The following OPA1 variants were observed in gnomAD, a reference collection of about 807,000 sequenced individuals.
OPA1 encodes OPA1 mitochondrial dynamin like GTPase.
Under a neutral mutation model 152.9 loss-of-function variants are expected in OPA1, and 59 were observed. The ratio of observed to expected loss-of-function variants is 0.39; its 90% CI spans 0.31 to 0.48. The LOEUF (loss-of-function observed/expected upper bound fraction) is 0.48, where lower values mean the gene tolerates loss of function less well. OPA1 is among the 20% of genes least tolerant of loss of function. The probability of loss-of-function intolerance (pLI) is 0.96; values close to 1 mark genes in which losing one functional copy is unlikely to be tolerated. For synonymous variants in OPA1, 400 were observed against 389.9 expected (o/e 1.03, Z -0.31); for missense variants, 1,008 against 1,216.8 (o/e 0.83, Z 2.55).
intron 29 of OPA1, chr3:193,691,386 A>G (rs1336620076): frequency 6.6e-6 from 1 of 152,220 alleles, no homozygotes; most frequent in Non-Finnish European, 1.5e-5. Flanking sequence ...ATGAAAACCT[A>G]AAATAAATAA....
intron 21 of OPA1, 83 bp downstream of exon 21, chr3:193,648,954 C>T: frequency 3.9e-6 from 4 of 1,024,202 alleles, no homozygotes; most frequent in Non-Finnish European, 6.1e-6. Flanking sequence ...ATTGATAAAG[C>T]AGTGATTTAT....
chr3:193,662,128 G>A (rs983896011), intron 25 of OPA1, among the ~76,000 whole-genome samples: 2 of 152,118 alleles, frequency 1.3e-5, no homozygotes, highest in African/African-American at 4.8e-5. Flanking sequence ...TTTGAGTGGA[G>A]GTTTGAAAAA....
chr3:193,617,960 A>C lies in OPA1; in HGVS notation c.610+123A>C. The C allele has an allele frequency of 4.1e-6, 3 of 724,562 alleles. No homozygotes were observed. The South Asian group carries it at 4.5e-5, about 11-fold the overall frequency. The allele number at this position is 724,562 out of a possible 1,614,324, so 44.9% of individuals were successfully genotyped here. A position where few individuals can be genotyped will look rare whatever the true frequency, so the allele number is the denominator to read the frequency against. Reference sequence around the variant, plus strand: ...CTTATGCTGAATTTTAAAACCCCAGAACTATATTAGGCAAACTCATTATCC... The same window carrying C: ...CTTATGCTGAATTTTAAAACCCCAGCACTATATTAGGCAAACTCATTATCC... On this transcript the variant is annotated intron_variant, in intron 5 of 30. Transcript: ENST00000361510.
intron 28 of OPA1, among the ~76,000 whole-genome samples, chr3:193,666,904 A>G (rs1716688501): frequency 2.0e-5 from 3 of 152,182 alleles, no homozygotes; most frequent in Admixed American, 2.0e-4. Flanking sequence ...TCTGTTGGGA[A>G]TGGACTCCTA....
chr3:193,616,030 G>T (rs750599356), intron 3 of OPA1, among the ~76,000 whole-genome samples: 4 of 151,976 alleles, frequency 2.6e-5, no homozygotes, highest in Non-Finnish European at 5.9e-5. Context: ...TTAACTTATC[G>T]ATTGAGACAG....
intron 1 of OPA1, chr3:193,603,618 C>T (rs1242546722): frequency 1.3e-5 from 2 of 152,212 alleles, no homozygotes; most frequent in African/African-American, 2.4e-5. Flanking sequence ...AAAAGCATGT[C>T]TACTATCCGT....
intron 4 of OPA1, 27 bp from the exon 5 acceptor site, chr3:193,617,757 A>C: frequency 6.4e-7 from 1 of 1,566,152 alleles, no homozygotes; most frequent in Non-Finnish European, 8.8e-7. Flanking sequence ...TTACATTTCT[A>C]TTTCCCCTTT....
At position 193,658,923 on chromosome 3, in the gene OPA1, A is replaced by T; in HGVS notation, c.2368A>T (p.Ile790Leu). ...ACACAATGCTTTGGAAGACCGATCC[A>T]TATCTGATAAACAGCAATGGGATGC... ...IQHNALEDRS[I>L]SDKQQWDAAI... Residue 790 changes from isoleucine (I) to leucine (L), a missense_variant, in exon 24 of 31, where the codon ATA (isoleucine) becomes TTA (leucine). Physicochemically the swap from Ile to Leu is conservative, Grantham distance 5. This residue lies in a region of OPA1 where 229 missense variants were observed against 269.0 expected (regional missense o/e 0.85). Transcript: ENST00000361510. 1 of 1,613,986 alleles carries T rather than the reference A, an allele frequency of 6.2e-7. No homozygotes were observed. The highest frequency in any genetic ancestry group is 1.7e-4 in the Middle Eastern group (1 of 6,056).
At position 193,645,710 on chromosome 3, in the gene OPA1, A is replaced by G. The variant is rs1734476700; in HGVS notation, c.1682-18A>G. 6.2e-7 allele frequency: 1 copy of G among 1,612,420 alleles called. No homozygotes were observed. Among genetic ancestry groups the G allele is most frequent in the Non-Finnish European group, 8.5e-7 (1 of 1,178,626 alleles). The stretch of plus-strand genomic sequence containing the variant: ...GAGTAATTTTCTTGATGAAAATTTG[A>G]CCATCATTCTTCCCCAGGGAACAGC... On this transcript the variant is annotated intron_variant, in intron 17 of 30. Transcript: ENST00000361510.
At chr3:193,678,519 T>A (rs530730749) in intron 29 of OPA1, among the ~76,000 whole-genome samples, 1 of 152,224 alleles carries the variant, frequency 6.6e-6, no homozygotes, top group South Asian at 2.1e-4. Context: ...TGGCTTCTTA[T>A]ACCCACAGCT....
In OPA1 at chr3:193,645,898, T is replaced by G. The variant is rs974192243; in HGVS notation, c.1754+98T>G. Reference sequence around the variant, plus strand: ...AACATCAGGTTTTATAACTATTAGTTTAACATCGGATTTCTAGAATTTTTC... The same window carrying G: ...AACATCAGGTTTTATAACTATTAGTGTAACATCGGATTTCTAGAATTTTTC... On this transcript the variant is annotated intron_variant, in intron 18 of 30. Coordinates refer to ENST00000361510, the MANE Select transcript of OPA1 (RefSeq NM_130837.3). 5 of 972,218 alleles carry G rather than the reference T, an allele frequency of 5.1e-6. No homozygotes were observed. In the African/African-American group the frequency reaches 8.3e-5, roughly 16 times the overall value. 60.2% of individuals were successfully genotyped at this position (972,218 alleles called of 1,614,324 possible).
chr3:193,621,856 T>C lies in OPA1; in HGVS notation c.678+2920T>C, dbSNP rs890735499. 4.6e-5 allele frequency among the ~76,000 whole-genome samples: 7 copies of C among 152,318 alleles called. No homozygotes were observed. The South Asian group carries it at 8.3e-4, about 18-fold the overall frequency. On this transcript the variant is annotated intron_variant, in intron 6 of 30. Transcript: ENST00000361510. ...TCGAAGTGCTGCCTACTTTAGAGAATTGGACTAATTTAATTTGGGAGTCAG... is the reference window on the plus strand; with the variant it reads ...TCGAAGTGCTGCCTACTTTAGAGAACTGGACTAATTTAATTTGGGAGTCAG...
intron 24 of OPA1, among the ~76,000 whole-genome samples, 196 bp from the exon 25 acceptor site, chr3:193,659,286 T>G (rs1463636372): frequency 6.6e-6 from 1 of 152,192 alleles, no homozygotes; most frequent in Non-Finnish European, 1.5e-5. Context: ...CAATTATACT[T>G]TTAGGTATCT....
chr3:193,617,109 G>C lies in OPA1; in HGVS notation c.449-69G>C, dbSNP rs928235578. 6.5e-6 allele frequency: 6 copies of C among 922,224 alleles called. No individual in the cohort carries two copies. The African/African-American group carries it at 9.9e-5, about 15-fold the overall frequency. 57.1% of individuals were successfully genotyped at this position (922,224 alleles called of 1,614,324 possible). ...GAGGATTAAACAAGTTAATACTTTA[G>C]CCCTTTATAAGAATAGTATCTGACA... On this transcript the variant is annotated intron_variant, in intron 3 of 30. Coordinates refer to ENST00000361510, the MANE Select transcript of OPA1 (RefSeq NM_130837.3).
chr3:193,624,707 G>T (rs1344087402), intron 6 of OPA1, among the ~76,000 whole-genome samples: 1 of 152,002 alleles, frequency 6.6e-6, no homozygotes, highest in Admixed American at 6.6e-5. Flanking sequence ...TCATGTGGAA[G>T]AAATCAACTA....
intron 29 of OPA1, among the ~76,000 whole-genome samples, chr3:193,672,885 C>T (rs1382854604): frequency 2.9e-5 from 4 of 137,010 alleles, no homozygotes; most frequent in Admixed American, 7.2e-5. Flanking sequence ...AAAAAAAAAA[C>T]GAAAAACAAA....
intron 9 of OPA1, 84 bp from the exon 10 acceptor site, chr3:193,637,111 A>T (rs1192759883): frequency 1.4e-6 from 1 of 697,598 alleles, no homozygotes; most frequent in Non-Finnish European, 2.4e-6. Context: ...ATTTGAATTT[A>T]TCACTTTTTT....
chr3:193,639,630 G>C (rs1484696897), intron 11 of OPA1, among the ~76,000 whole-genome samples: 1 of 152,212 alleles, frequency 6.6e-6, no homozygotes, highest in African/African-American at 2.4e-5. Flanking sequence ...GGGAGGAACA[G>C]ATCAATAAGG....
intron 1 of OPA1, among the ~76,000 whole-genome samples, chr3:193,598,295 T>G (rs1725920811): frequency 6.6e-6 from 1 of 152,144 alleles, no homozygotes; most frequent in Non-Finnish European, 1.5e-5. Flanking sequence ...CATGTGTCAT[T>G]CTAATAGCTT....
Sources: allele counts gnomAD v4.1 joint callset (sites outside exome capture counted in the v4.1 genomes callset), GRCh38; gene constraint gnomAD v4.1.1; regional missense constraint gnomAD v4.1.1; transcripts MANE v1.5; gene names NCBI Gene and HGNC (gene_info 2026-07-23, HGNC 2026-07-21).